PLXNA4: variants seen among roughly 807,000 people sequenced by gnomAD.
PLXNA4 encodes the protein plexin A4.
In PLXNA4, 44 loss-of-function variants were observed where a neutral mutation model predicts 191.8. That is an observed-to-expected ratio of 0.23 (90% CI 0.18 to 0.29). The LOEUF (loss-of-function observed/expected upper bound fraction) is 0.29. Among genes scored for constraint, PLXNA4 ranks in the 10% least tolerant of loss-of-function variants. The probability of loss-of-function intolerance (pLI) is 1.00; values close to 1 mark genes in which losing one functional copy is unlikely to be tolerated. For synonymous variants in PLXNA4, 1,082 were observed against 1,009.5 expected (o/e 1.07, Z -1.36); for missense variants, 1,800 against 2,488.8 (o/e 0.72, Z 5.89).
intron 29 of PLXNA4, among the ~76,000 whole-genome samples, chr7:132,142,287 G>T (rs1021067638): frequency 3.9e-5 from 6 of 152,152 alleles, no homozygotes; most frequent in Non-Finnish European, 8.8e-5. Context: ...CCATGCAAGG[G>T]ATTGCTTACT....
In PLXNA4 at chr7:132,544,907, A is replaced by G. The variant is rs558146811; in HGVS notation, c.-87+31515T>C. Among the ~76,000 whole-genome samples, 10 of 152,364 alleles carry G rather than the reference A, an allele frequency of 6.6e-5. No homozygotes were observed. The South Asian group carries it at 1.9e-3, about 28-fold the overall frequency. The stretch of plus-strand genomic sequence containing the variant: ...GGAAAGGGCTATATAAATTTCACAA[A>G]TAAATGACTGAGGTTGACATTGATC... On this transcript the variant is annotated intron_variant, in intron 1 of 31. Transcript: ENST00000321063.
intron 1 of PLXNA4, among the ~76,000 whole-genome samples, chr7:132,520,514 T>C (rs1036165864): frequency 1.3e-5 from 2 of 152,218 alleles, no homozygotes; most frequent in African/African-American, 4.8e-5. Context: ...AGGTTGACTC[T>C]GCCAGCATGA....
intron 3 of PLXNA4, among the ~76,000 whole-genome samples, chr7:132,454,930 T>C (rs1432424445): frequency 1.3e-5 from 2 of 152,196 alleles, no homozygotes; most frequent in Non-Finnish European, 2.9e-5. Context: ...TCTCTTCCTG[T>C]CCTACGGTGG....
chr7:132,177,831 G>A (rs575763440), intron 20 of PLXNA4, among the ~76,000 whole-genome samples: 11 of 152,326 alleles, frequency 7.2e-5, no homozygotes, highest in African/African-American at 2.4e-4. Flanking sequence ...CCCACAAGGC[G>A]GATGCTGTGT....
chr7:132,403,483 T>C (rs1794080081), intron 3 of PLXNA4, among the ~76,000 whole-genome samples: 1 of 152,224 alleles, frequency 6.6e-6, no homozygotes, highest in Non-Finnish European at 1.5e-5. Flanking sequence ...GTAACCCTGA[T>C]GACACCTGAA....
At chr7:132,362,375 C>A (rs940412984) in intron 3 of PLXNA4, among the ~76,000 whole-genome samples, 1 of 152,188 alleles carries the variant, frequency 6.6e-6, no homozygotes, top group African/African-American at 2.4e-5. Context: ...GTGTAACTAG[C>A]CCCCTTGCTC....
chr7:132,480,232 A>G (rs1395386576), intron 3 of PLXNA4, among the ~76,000 whole-genome samples: 1 of 152,182 alleles, frequency 6.6e-6, no homozygotes, highest in Non-Finnish European at 1.5e-5. Context: ...GAGGGGGTGA[A>G]AGTGAGGAAA....
intron 1 of PLXNA4, among the ~76,000 whole-genome samples, chr7:132,545,731 G>A (rs1800272696): frequency 6.6e-6 from 1 of 152,140 alleles, no homozygotes; most frequent in Admixed American, 6.6e-5. Flanking sequence ...AAGAAAATTT[G>A]GAACTAAGGT....
At chr7:132,619,306 G>A (rs1287121546) in intron 2 of PLXNA4, among the ~76,000 whole-genome samples, 2 of 151,830 alleles carry the variant, frequency 1.3e-5, no homozygotes, top group African/African-American at 4.8e-5. Flanking sequence ...TTTTATATGG[G>A]GACAAGAAGA....
chr7:132,273,832 A>G (rs757458033), intron 4 of PLXNA4, among the ~76,000 whole-genome samples: 1 of 152,208 alleles, frequency 6.6e-6, no homozygotes, highest in Non-Finnish European at 1.5e-5. Flanking sequence ...AGCAGCAACT[A>G]AAGTCCAGAA....
chr7:132,357,161 C>T (rs1258169278), intron 3 of PLXNA4, among the ~76,000 whole-genome samples: 1 of 152,162 alleles, frequency 6.6e-6, no homozygotes, highest in Non-Finnish European at 1.5e-5. Context: ...CCATCTTCAT[C>T]TAAAAACAGC....
chr7:132,380,370 A>G (rs967863775), intron 3 of PLXNA4, among the ~76,000 whole-genome samples: 2 of 152,152 alleles, frequency 1.3e-5, no homozygotes, highest in Admixed American at 1.3e-4. Context: ...CTCCACTGCA[A>G]TACTGTGGCC....
chr7:132,633,723 G>A (rs1219678810), intron 2 of PLXNA4, among the ~76,000 whole-genome samples: 1 of 152,132 alleles, frequency 6.6e-6, no homozygotes, highest in Non-Finnish European at 1.5e-5. Flanking sequence ...TCCCCCAGCT[G>A]CGTCCCTGAC....
chr7:132,405,872 C>T (rs977316835), intron 3 of PLXNA4, among the ~76,000 whole-genome samples: 1 of 152,214 alleles, frequency 6.6e-6, no homozygotes, highest in Admixed American at 6.5e-5. Flanking sequence ...GAAAACAAGT[C>T]TTCCCCTTGC....
chr7:132,497,366 G>A (rs951386092), intron 2 of PLXNA4, among the ~76,000 whole-genome samples: 1 of 152,140 alleles, frequency 6.6e-6, no homozygotes, highest in Admixed American at 6.5e-5. Flanking sequence ...GACCCCTAAG[G>A]TGTTCATAAA....
chr7:132,605,766 C>T (rs1434642698), intron 2 of PLXNA4, among the ~76,000 whole-genome samples: 1 of 151,736 alleles, frequency 6.6e-6, no homozygotes, highest in East Asian at 1.9e-4. Flanking sequence ...TCAGGGTGAA[C>T]CCTAATCCAA....
chr7:132,564,598 C>A (rs770123250), intron 1 of PLXNA4, among the ~76,000 whole-genome samples: 2 of 152,194 alleles, frequency 1.3e-5, no homozygotes, highest in Non-Finnish European at 2.9e-5. Context: ...AGAAGTAGGT[C>A]TTTCATCTCC....
At chr7:132,295,900 C>T (rs1452044436) in intron 4 of PLXNA4, among the ~76,000 whole-genome samples, 1 of 152,178 alleles carries the variant, frequency 6.6e-6, no homozygotes, top group Non-Finnish European at 1.5e-5. Flanking sequence ...AAAAAACTAT[C>T]TGATATTATT....
At chr7:132,316,394 A>T (rs1401972993) in intron 3 of PLXNA4, among the ~76,000 whole-genome samples, 1 of 152,202 alleles carries the variant, frequency 6.6e-6, no homozygotes, top group Non-Finnish European at 1.5e-5. Flanking sequence ...AACGCATGGA[A>T]AATGGTGGAC....
Sources: allele counts gnomAD v4.1 joint callset (sites outside exome capture counted in the v4.1 genomes callset), GRCh38; gene constraint gnomAD v4.1.1; transcripts MANE v1.5; gene names NCBI Gene and HGNC (gene_info 2026-07-23, HGNC 2026-07-21).